NRIP1: variants seen among roughly 807,000 people sequenced by gnomAD.
The protein encoded by NRIP1 is nuclear receptor-interacting protein 1.
Under a neutral mutation model 75.0 loss-of-function variants are expected in NRIP1, and 28 were observed. The observed-to-expected ratio is 0.37, with a 90% CI of 0.28 to 0.51. The LOEUF is 0.51. Ranked by LOEUF, NRIP1 falls within the 20% of genes least tolerant of loss-of-function variation. NRIP1 has a pLI of 0.92. For missense variants in NRIP1, 1,435 were observed against 1,343.7 expected (o/e 1.07, Z -1.06); for synonymous variants, 526 against 487.6 (o/e 1.08, Z -1.04).
chr21:14,978,205 GTA>G (rs1264854350), intron 3 of NRIP1, among the ~76,000 whole-genome samples: 3 of 152,182 alleles, frequency 2.0e-5, no homozygotes, highest in Non-Finnish European at 4.4e-5. Flanking sequence ...AAGGACACAT[GTA>G]TATGAGGACC....
chr21:15,017,118 G>A (rs957498744), intron 2 of NRIP1, among the ~76,000 whole-genome samples: 1 of 152,058 alleles, frequency 6.6e-6, no homozygotes, highest in African/African-American at 2.4e-5. Flanking sequence ...TTTGGTCTGT[G>A]TATATAGATA....
intron 2 of NRIP1, among the ~76,000 whole-genome samples, chr21:15,037,252 C>T (rs2088857180): frequency 6.6e-6 from 1 of 152,170 alleles, no homozygotes; most frequent in Admixed American, 6.5e-5. Context: ...GATATCATTT[C>T]AAGTCTTCAT....
intron 2 of NRIP1, among the ~76,000 whole-genome samples, chr21:15,042,443 T>C (rs1453254605): frequency 6.6e-6 from 1 of 152,190 alleles, no homozygotes; most frequent in Non-Finnish European, 1.5e-5. Flanking sequence ...GGCTGGCATA[T>C]CCATATGTGA....
At chr21:14,978,050 C>T (rs925587646) in intron 3 of NRIP1, among the ~76,000 whole-genome samples, 1 of 152,136 alleles carries the variant, frequency 6.6e-6, no homozygotes, top group South Asian at 2.1e-4. Flanking sequence ...TGGCCCAAGG[C>T]CAAATTTGCT....
At chr21:14,972,052 G>A (rs999860233) in intron 3 of NRIP1, among the ~76,000 whole-genome samples, 4 of 152,130 alleles carry the variant, frequency 2.6e-5, no homozygotes, top group South Asian at 4.1e-4. Flanking sequence ...TTGTGGTCAC[G>A]TGGAGAGGCT....
rs146895033 is a variant in NRIP1 at position 14,966,787 on chromosome 21, T to C, written c.1406A>G (p.Asn469Ser). Reference sequence around the variant, plus strand: ...ATCTGGGACTTTTGGATCCCAAGTGTTTAGCAAGGATTGAGTGAAGTTATC... The same window carrying C: ...ATCTGGGACTTTTGGATCCCAAGTGCTTAGCAAGGATTGAGTGAAGTTATC... ...SLDNFTQSLL[N>S]TWDPKVPDVD... The change falls in exon 4 of 4, where the codon AAC becomes AGC. Residue 469 changes from asparagine to serine, a missense_variant. Transcript: ENST00000318948. The C allele has an allele frequency of 2.2e-4, 348 of 1,613,998 alleles. 1 individual carries two copies. The highest frequency in any genetic ancestry group is 2.9e-4 in the Non-Finnish European group (341 of 1,180,004).
chr21:14,964,392 T>G lies in NRIP1; in HGVS notation c.*324A>C, dbSNP rs2086665804. The stretch of plus-strand genomic sequence containing the variant: ...CCCTAATAAAGGCAGCAAAATGCAT[T>G]AATCCACTATGAATGGAGTTTTACA... On this transcript the variant is annotated 3_prime_UTR_variant, in exon 4 of 4. Transcript: ENST00000318948. The G allele has an allele frequency of 5.3e-6, 1 of 187,574 alleles. No individual in the cohort carries two copies. The highest frequency in any genetic ancestry group is 1.7e-4 in the South Asian group (1 of 5,804). 11.6% of individuals were successfully genotyped at this position (187,574 alleles called of 1,614,324 possible). A position where few individuals can be genotyped will look rare whatever the true frequency, so the allele number is the denominator to read the frequency against.
chr21:15,021,920 A>G (rs1275783664), intron 2 of NRIP1, among the ~76,000 whole-genome samples: 4 of 152,204 alleles, frequency 2.6e-5, no homozygotes, highest in Admixed American at 2.0e-4. Flanking sequence ...GTGGAGAAAA[A>G]AGAATACTTT....
rs2086663346 is a variant in NRIP1, at chr21:14,964,296, AAG to A, written c.*418_*419del. ...TTTTTTATTGGATAATTATCCTTTA[AAG>A]AGTTGTTTAACAGTTTAGACTTTAA... On this transcript the variant is annotated 3_prime_UTR_variant, in exon 4 of 4. Coordinates refer to ENST00000318948, the MANE Select transcript of NRIP1 (RefSeq NM_003489.4). 6.5e-6 allele frequency: 1 copy of A among 153,526 alleles called. No homozygotes were observed. Among genetic ancestry groups the A allele is most frequent in the Non-Finnish European group, 1.5e-5 (1 of 68,954 alleles). The allele number at this position is 153,526 out of a possible 1,614,324, so 9.5% of individuals were successfully genotyped here. A position where few individuals can be genotyped will look rare whatever the true frequency, so the allele number is the denominator to read the frequency against.
chr21:15,019,470 C>CTTTTTTT lies in NRIP1; in HGVS notation c.-457-5011_-457-5005dup, dbSNP rs539278321. Among the ~76,000 whole-genome samples, 17 of 38,696 alleles carry CTTTTTTT rather than the reference C, an allele frequency of 4.4e-4. 6 individuals carry two copies. The highest frequency in any genetic ancestry group is 8.4e-4 in the Non-Finnish European group (15 of 17,904). The allele number at this position is 38,696 out of a possible 152,430, so 25.4% of individuals were successfully genotyped here. On this transcript the variant is annotated intron_variant, in intron 2 of 3. Coordinates refer to ENST00000318948, the MANE Select transcript of NRIP1 (RefSeq NM_003489.4). The stretch of plus-strand genomic sequence containing the variant: ...ACAAGATCCACAAACAACTGCATTT[C>CTTTTTTT]TTTTTTTTTTTTTTTTTTTTTTTTT...
At chr21:14,997,814 C>A (rs1343563791) in intron 3 of NRIP1, among the ~76,000 whole-genome samples, 1 of 151,184 alleles carries the variant, frequency 6.6e-6, no homozygotes, top group Admixed American at 6.6e-5. Flanking sequence ...ATCCTCATAA[C>A]CTAAAGAGGA....
intron 3 of NRIP1, among the ~76,000 whole-genome samples, chr21:14,979,131 T>C (rs1409913684): frequency 6.6e-6 from 1 of 152,174 alleles, no homozygotes; most frequent in Non-Finnish European, 1.5e-5. Flanking sequence ...ATTAACAAAT[T>C]ATTTTGGCAG....
Position 14,964,664 on chromosome 21 carries a change from A to T in NRIP1, c.*52T>A, listed in dbSNP as rs367856117. The stretch of plus-strand genomic sequence containing the variant: ...CATGCTCTTATTTATACAGATCTCA[A>T]GTTCATACTCATTAGTTTTAAAAAG... On this transcript the variant is annotated 3_prime_UTR_variant, in exon 4 of 4. Transcript: ENST00000318948. The T allele has an allele frequency of 2.3e-6, 3 of 1,314,674 alleles. No homozygotes were observed. In the African/African-American group the frequency reaches 4.4e-5, roughly 19 times the overall value. 81.4% of individuals were successfully genotyped at this position (1,314,674 alleles called of 1,614,324 possible). A position where few individuals can be genotyped will look rare whatever the true frequency, so the allele number is the denominator to read the frequency against.
chr21:15,036,158 T>A (rs1409834116), intron 2 of NRIP1, among the ~76,000 whole-genome samples: 1 of 152,212 alleles, frequency 6.6e-6, no homozygotes, highest in Non-Finnish European at 1.5e-5. Context: ...AATATTTTTT[T>A]AACCTACACT....
intron 3 of NRIP1, among the ~76,000 whole-genome samples, chr21:14,980,498 T>TA (rs1264510314): frequency 1.1e-4 from 16 of 151,082 alleles, no homozygotes; most frequent in Non-Finnish European, 1.8e-4. Context: ...AAAATAAAAA[T>TA]AAAATAAATA....
chr21:15,048,199 T>A (rs1161175322), intron 1 of NRIP1, among the ~76,000 whole-genome samples: 1 of 152,206 alleles, frequency 6.6e-6, no homozygotes, highest in African/African-American at 2.4e-5. Context: ...AAAAGTTTTA[T>A]ATATTGTGAG....
intron 3 of NRIP1, among the ~76,000 whole-genome samples, chr21:15,004,619 A>T (rs1331223829): frequency 6.6e-6 from 1 of 152,260 alleles, no homozygotes; most frequent in East Asian, 1.9e-4. Flanking sequence ...ATGGCTACCG[A>T]GTGTTCATGG....
intron 2 of NRIP1, among the ~76,000 whole-genome samples, chr21:15,036,496 A>G (rs2088835789): frequency 6.6e-6 from 1 of 151,808 alleles, no homozygotes; most frequent in South Asian, 2.1e-4. Context: ...GATTCTATGA[A>G]ACTCATTTCC....
intron 2 of NRIP1, among the ~76,000 whole-genome samples, chr21:15,016,681 G>A (rs1307735582): frequency 1.3e-5 from 2 of 152,048 alleles, no homozygotes; most frequent in East Asian, 1.9e-4. Context: ...TCTGGAGATC[G>A]AGACCATCCT....
Sources: allele counts gnomAD v4.1 joint callset (sites outside exome capture counted in the v4.1 genomes callset), GRCh38; gene constraint gnomAD v4.1.1; transcripts MANE v1.5; gene names NCBI Gene and HGNC (gene_info 2026-07-23, HGNC 2026-07-21).